Variants in CSMD3 observed in about 807,000 individuals in gnomAD.
CSMD3 encodes CUB and Sushi multiple domains 3, also known as CUB and sushi domain-containing protein 3.
CSMD3 carries 177 observed loss-of-function variants against 435.2 expected under a neutral mutation model. The observed-to-expected ratio is 0.41, with a 90% CI of 0.36 to 0.46. The LOEUF (loss-of-function observed/expected upper bound fraction) is 0.46, where lower values mean the gene tolerates loss of function less well. Among genes scored for constraint, CSMD3 ranks in the 20% least tolerant of loss-of-function variants. The pLI is 0.34. For missense variants in CSMD3, 4,265 were observed against 4,504.6 expected, an observed-to-expected ratio of 0.95 and a Z score of 1.52; for synonymous variants, 1,656 against 1,520.5, an observed-to-expected ratio of 1.09 and a Z score of -2.07.
At chr8:112,528,877 A>G (rs1825248230) in intron 27 of CSMD3, among the ~76,000 whole-genome samples, 1 of 152,008 alleles carries the variant, frequency 6.6e-6, no homozygotes, top group Admixed American at 6.6e-5. Context: ...CCATTCCAAG[A>G]GGACTCCACA....
intron 10 of CSMD3, among the ~76,000 whole-genome samples, chr8:112,860,686 T>C (rs1457277189): frequency 6.6e-6 from 1 of 151,662 alleles, no homozygotes; most frequent in Non-Finnish European, 1.5e-5. Flanking sequence ...ATATTGATAA[T>C]ATTGATTAGC....
intron 54 of CSMD3, among the ~76,000 whole-genome samples, chr8:112,294,995 C>T (rs550994529): frequency 1.3e-5 from 2 of 151,798 alleles, no homozygotes; most frequent in East Asian, 3.9e-4. Context: ...TTTGGTGTAC[C>T]CATCACCTGA....
chr8:112,930,837 G>C (rs1395403442), intron 9 of CSMD3, among the ~76,000 whole-genome samples: 7 of 152,038 alleles, frequency 4.6e-5, no homozygotes, highest in Admixed American at 4.6e-4. Context: ...GGAAGGACCA[G>C]TTAGATTAAA....
chr8:113,395,084 ATT>A (rs61147951), intron 1 of CSMD3, among the ~76,000 whole-genome samples: 6 of 151,538 alleles, frequency 4.0e-5, no homozygotes, highest in African/African-American at 1.5e-4. Flanking sequence ...TTTAGTGACT[ATT>A]TTTTTTTCCA....
intron 4 of CSMD3, among the ~76,000 whole-genome samples, chr8:113,173,248 C>T (rs1368701920): frequency 6.6e-6 from 1 of 152,106 alleles, no homozygotes; most frequent in Non-Finnish European, 1.5e-5. Flanking sequence ...GAAAGAGATA[C>T]TAGTCAATAC....
chr8:113,045,634 A>G (rs2087797330), intron 5 of CSMD3, among the ~76,000 whole-genome samples: 1 of 149,568 alleles, frequency 6.7e-6, no homozygotes, highest in Non-Finnish European at 1.5e-5. Flanking sequence ...TACCATGAAG[A>G]CTTCTTCTAG....
At chr8:112,598,545 G>A (rs1003978599) in intron 22 of CSMD3, among the ~76,000 whole-genome samples, 1 of 150,666 alleles carries the variant, frequency 6.6e-6, no homozygotes, top group African/African-American at 2.5e-5. Flanking sequence ...AACCAAAAAA[G>A]AGCCCACATC....
chr8:113,185,420 C>A (rs756736989), intron 3 of CSMD3, among the ~76,000 whole-genome samples: 1 of 151,970 alleles, frequency 6.6e-6, no homozygotes, highest in Non-Finnish European at 1.5e-5. Context: ...ATACCAGTAT[C>A]CTTCCCCATC....
In CSMD3 at chr8:112,301,803, G is replaced by T. The variant is rs1319416320; in HGVS notation, c.8430C>A (p.Thr2810=). The T allele has an allele frequency of 1.9e-6, 3 of 1,613,354 alleles. No individual in the cohort carries two copies. Among genetic ancestry groups the T allele is most frequent in the Non-Finnish European group, 2.5e-6 (3 of 1,179,432 alleles). The change falls in exon 53 of 71, where the codon ACC becomes ACA. Residue 2810 remains threonine, a synonymous_variant. Transcript: ENST00000297405. ...ATTAAAAATCTGTACCTAGGCATCT[G>T]GTTTCAGATTCACTCCAAAGACCTG... The part of the protein sequence containing the change: ...LSSGLWSESE[T]RCLAGHCGIP...
At chr8:112,417,414 T>G (rs894468033) in intron 32 of CSMD3, among the ~76,000 whole-genome samples, 1 of 152,170 alleles carries the variant, frequency 6.6e-6, no homozygotes, top group Non-Finnish European at 1.5e-5. Context: ...AAACAGCACC[T>G]GAAGCAGTAA....
intron 46 of CSMD3, among the ~76,000 whole-genome samples, chr8:112,319,259 A>G (rs989346919): frequency 1.3e-5 from 2 of 152,084 alleles, no homozygotes; most frequent in Non-Finnish European, 2.9e-5. Context: ...TAAAAATACA[A>G]CAAGTAGTTA....
chr8:113,350,980 C>A (rs2094186467), intron 1 of CSMD3, among the ~76,000 whole-genome samples: 1 of 151,978 alleles, frequency 6.6e-6, no homozygotes. Context: ...AAACTGATTC[C>A]CATGCCCTTT....
chr8:113,226,993 T>C (rs999422867), intron 3 of CSMD3, among the ~76,000 whole-genome samples: 1 of 151,662 alleles, frequency 6.6e-6, no homozygotes, highest in African/African-American at 2.4e-5. Flanking sequence ...CAAAATCAGA[T>C]ACTTTACTAG....
chr8:112,979,143 T>G (rs1294149944), intron 6 of CSMD3, among the ~76,000 whole-genome samples: 1 of 151,870 alleles, frequency 6.6e-6, no homozygotes, highest in African/African-American at 2.4e-5. Context: ...AAATTTTTGT[T>G]GTTATTTCCA....
At chr8:112,348,466 C>A (rs1259187516) in intron 40 of CSMD3, among the ~76,000 whole-genome samples, 1 of 152,140 alleles carries the variant, frequency 6.6e-6, no homozygotes, top group Non-Finnish European at 1.5e-5. Context: ...TTAAGACATT[C>A]GCTGAATCAG....
At chr8:112,562,355 C>G (rs1828702379) in intron 24 of CSMD3, among the ~76,000 whole-genome samples, 1 of 151,310 alleles carries the variant, frequency 6.6e-6, no homozygotes, top group Non-Finnish European at 1.5e-5. Context: ...TTTTAAGTAA[C>G]TTAAAAAGAC....
intron 40 of CSMD3, among the ~76,000 whole-genome samples, 185 bp downstream of exon 40, chr8:112,350,987 AAAG>A (rs1826088702): frequency 6.6e-6 from 1 of 152,066 alleles, no homozygotes; most frequent in African/African-American, 2.4e-5. Flanking sequence ...AAATTAAAAA[AAAG>A]AAGATGTGAA....
At chr8:113,146,056 C>T (rs1048840889) in intron 4 of CSMD3, among the ~76,000 whole-genome samples, 1 of 151,432 alleles carries the variant, frequency 6.6e-6, no homozygotes, top group Middle Eastern at 3.4e-3. Flanking sequence ...AGTTAAAGAA[C>T]CTGAAACATA....
chr8:112,483,562 G>C (rs1197665645), intron 31 of CSMD3, among the ~76,000 whole-genome samples: 1 of 152,156 alleles, frequency 6.6e-6, no homozygotes. Flanking sequence ...CCTTAGGACA[G>C]AGGGAAATAC....
Sources: gnomAD v4.1 joint callset for allele counts (sites outside exome capture counted in the v4.1 genomes callset) on GRCh38, gnomAD v4.1.1 for gene constraint, MANE v1.5 for transcripts, NCBI Gene and HGNC (gene_info 2026-07-23, HGNC 2026-07-21) for gene names.